The following TRHDE variants were observed in gnomAD, a reference collection of about 807,000 sequenced individuals.
TRHDE encodes the protein thyrotropin-releasing hormone-degrading ectoenzyme.
In TRHDE, 72 loss-of-function variants were observed where a neutral mutation model predicts 125.7. The observed-to-expected ratio is 0.57, with a 90% confidence interval of 0.47 to 0.70. The LOEUF (loss-of-function observed/expected upper bound fraction) is 0.70. Among genes scored for constraint, TRHDE ranks in the 30% least tolerant of loss-of-function variants. The probability of loss-of-function intolerance (pLI) is 0.00; values close to 1 mark genes in which losing one functional copy is unlikely to be tolerated. For synonymous variants in TRHDE, 509 were observed against 509.1 expected, an observed-to-expected ratio of 1.00 and a Z score of 0.00; for missense variants, 1,110 against 1,327.1, an observed-to-expected ratio of 0.84 and a Z score of 2.54.
chr12:72,146,701 C>A (rs958844640), intron 2 of TRHDE, among the ~76,000 whole-genome samples: 3 of 152,236 alleles, frequency 2.0e-5, no homozygotes, highest in Non-Finnish European at 4.4e-5. Context: ...TCCCGTGTTA[C>A]AAAGCTCTTT....
intron 10 of TRHDE, among the ~76,000 whole-genome samples, chr12:72,573,988 G>A (rs377662091): frequency 6.6e-6 from 1 of 151,914 alleles, no homozygotes; most frequent in Non-Finnish European, 1.5e-5. Flanking sequence ...TGGGGTAGAA[G>A]TACATTCTAT....
chr12:72,243,979 G>A (rs1008327489), intron 2 of TRHDE, among the ~76,000 whole-genome samples: 1 of 152,090 alleles, frequency 6.6e-6, no homozygotes, highest in Non-Finnish European at 1.5e-5. Context: ...GGTGTGTAGG[G>A]TATGTATAAC....
chr12:72,262,779 G>A (rs558574980), intron 2 of TRHDE: 1 of 152,172 alleles, frequency 6.6e-6, no homozygotes, highest in African/African-American at 2.4e-5. Context: ...AGATGAAAGA[G>A]AACATTAATA....
intron 2 of TRHDE, among the ~76,000 whole-genome samples, chr12:72,372,146 T>A (rs546301198): frequency 6.2e-4 from 95 of 152,352 alleles, no homozygotes; most frequent in African/African-American, 2.2e-3. Flanking sequence ...TGGCCAGTGA[T>A]GCTGAGCATT....
intron 6 of TRHDE, among the ~76,000 whole-genome samples, chr12:72,514,502 T>A (rs1878743409): frequency 6.6e-6 from 1 of 152,046 alleles, no homozygotes; most frequent in South Asian, 2.1e-4. Context: ...GAGAGAATTA[T>A]AACCTAAATG....
At chr12:72,629,858 T>G (rs1873408226) in intron 15 of TRHDE, among the ~76,000 whole-genome samples, 1 of 151,474 alleles carries the variant, frequency 6.6e-6, no homozygotes, top group African/African-American at 2.4e-5. Flanking sequence ...CTTTTTCCCC[T>G]TGTGATTAAG....
Position 72,273,815 on chromosome 12 carries a change from T to G in TRHDE, c.914+258T>G. The G allele has an allele frequency of 4.5e-6, 2 of 448,702 alleles. No homozygotes were observed. Among genetic ancestry groups the G allele is most frequent in the Non-Finnish European group, 8.0e-6 (2 of 251,034 alleles). 27.8% of individuals were successfully genotyped at this position (448,702 alleles called of 1,614,324 possible). ...TGCCCCCTCCTCTAGTCGGGACCTCTCCTCTTCCTGTCAGAGTTCCTTAGC... is the reference window on the plus strand; with the variant it reads ...TGCCCCCTCCTCTAGTCGGGACCTCGCCTCTTCCTGTCAGAGTTCCTTAGC... On this transcript the variant is annotated intron_variant, in intron 1 of 18. Transcript: ENST00000261180. This position sits in a 1 kb window ranked among gnomAD's most constrained non-coding sequence, Gnocchi z 5.3.
intron 2 of TRHDE, among the ~76,000 whole-genome samples, chr12:72,199,167 G>T (rs765822850): frequency 2.6e-5 from 4 of 152,120 alleles, no homozygotes; most frequent in Non-Finnish European, 5.9e-5. Flanking sequence ...GTGAGTGTGA[G>T]GTTGCCTCAG....
chr12:72,445,989 A>G lies in TRHDE; in HGVS notation c.1316-23769A>G, dbSNP rs903361733. Among the ~76,000 whole-genome samples, 17 of 151,766 alleles carry G rather than the reference A, an allele frequency of 1.1e-4. No homozygotes were observed. The South Asian group carries it at 2.3e-3, about 20-fold the overall frequency. On this transcript the variant is annotated intron_variant, in intron 3 of 18. Coordinates refer to ENST00000261180, the MANE Select transcript of TRHDE (RefSeq NM_013381.3). ...CCATTTATTTACAGGTCTCTACTCT[A>G]TTTCATCCCCATTTGTATTTCTCCT...
chr12:72,240,065 T>C (rs1184898312), intron 2 of TRHDE, among the ~76,000 whole-genome samples: 1 of 152,166 alleles, frequency 6.6e-6, no homozygotes, highest in Non-Finnish European at 1.5e-5. Flanking sequence ...CTGGAGTGTA[T>C]TTAATTGTTA....
intron 6 of TRHDE, among the ~76,000 whole-genome samples, chr12:72,540,919 C>A (rs1185184123): frequency 6.6e-6 from 1 of 151,552 alleles, no homozygotes; most frequent in Non-Finnish European, 1.5e-5. Context: ...GACTTGGGAG[C>A]AATTTTGGTG....
intron 2 of TRHDE, among the ~76,000 whole-genome samples, chr12:72,172,555 G>T (rs1001521529): frequency 6.6e-5 from 10 of 152,052 alleles, no homozygotes; most frequent in African/African-American, 2.4e-4. Flanking sequence ...TAGATTCAAG[G>T]GTATGACCAA....
At chr12:72,413,269 T>C (rs1873589286) in intron 3 of TRHDE, among the ~76,000 whole-genome samples, 1 of 151,948 alleles carries the variant, frequency 6.6e-6, no homozygotes, top group Non-Finnish European at 1.5e-5. Context: ...GAATGATAGG[T>C]TTCTAGGCTT....
chr12:72,495,495 A>G (rs1289600804), intron 5 of TRHDE, among the ~76,000 whole-genome samples: 1 of 151,826 alleles, frequency 6.6e-6, no homozygotes, highest in Admixed American at 6.6e-5. Context: ...TCCTTCAACA[A>G]CCCACTTTAA....
At chr12:72,378,215 T>G (rs2135775624) in intron 3 of TRHDE, 94 bp downstream of exon 3, 1 of 1,202,592 alleles carries the variant, frequency 8.3e-7, no homozygotes, top group Non-Finnish European at 1.1e-6. Flanking sequence ...AGCATGAAAA[T>G]TCTGAGATTT....
intron 2 of TRHDE, chr12:72,256,575 C>G (rs1406480388): frequency 6.6e-6 from 1 of 152,182 alleles, no homozygotes; most frequent in Admixed American, 6.5e-5. Context: ...GTTTTGTTCA[C>G]TATGCCAAGA....
At chr12:72,210,171 G>GATTTATCT (rs1877747164) in intron 2 of TRHDE, among the ~76,000 whole-genome samples, 3 of 146,326 alleles carry the variant, frequency 2.1e-5, no homozygotes, top group Admixed American at 1.4e-4. Flanking sequence ...CTATAAGATT[G>GATTTATCT]ATCTATCTAT....
At position 72,519,005 on chromosome 12, in the gene TRHDE, C is replaced by T. The variant is rs570471930; in HGVS notation, c.1722+19370C>T. Among the ~76,000 whole-genome samples the T allele has an allele frequency of 2.3e-3, 350 of 152,280 alleles. 1 individual carries two copies. The highest frequency in any genetic ancestry group is 4.5e-3 in the Admixed American group (69 of 15,284). The stretch of plus-strand genomic sequence containing the variant: ...CTCTTCTGGCTGGTAGAGTTTCTGC[C>T]GAGAGATCTGCTGTTAGTCTGATGG... On this transcript the variant is annotated intron_variant, in intron 6 of 18. Transcript: ENST00000261180.
chr12:72,434,456 C>T (rs1355586132), intron 3 of TRHDE, among the ~76,000 whole-genome samples: 1 of 148,694 alleles, frequency 6.7e-6, no homozygotes, highest in Non-Finnish European at 1.5e-5. Flanking sequence ...TATATGTTTG[C>T]TGTTTTTATA....
Sources: allele counts gnomAD v4.1 joint callset (sites outside exome capture counted in the v4.1 genomes callset), GRCh38; gene constraint gnomAD v4.1.1; non-coding constraint Gnocchi (gnomAD v3.1); transcripts MANE v1.5; gene names NCBI Gene and HGNC (gene_info 2026-07-23, HGNC 2026-07-21).